SEH1L: variants seen among roughly 807,000 people sequenced by gnomAD.
SEH1L encodes nucleoporin SEH1.
In SEH1L, 18 loss-of-function variants were observed where a neutral mutation model predicts 49.5. The observed-to-expected ratio is 0.36, with a 90% CI of 0.25 to 0.54. The LOEUF (loss-of-function observed/expected upper bound fraction) is 0.54. Ranked by LOEUF, SEH1L falls within the 20% of genes least tolerant of loss-of-function variation. SEH1L has a pLI of 0.87. For synonymous variants in SEH1L, 169 were observed against 178.1 expected (o/e 0.95, Z 0.41); for missense variants, 404 against 528.8 (o/e 0.76, Z 2.31).
At chr18:12,980,536 T>A (rs1598978376) in intron 6 of SEH1L, among the ~76,000 whole-genome samples, 2 of 78,608 alleles carry the variant, frequency 2.5e-5, no homozygotes, top group Non-Finnish European at 5.0e-5. Context: ...CCCACCTCCC[T>A]CCCGGACGGG....
rs749504403 is a variant in SEH1L at position 12,948,082 on chromosome 18, C to A, written c.-40C>A. 6.6e-7 allele frequency: 1 copy of A among 1,514,828 alleles called. No individual in the cohort carries two copies. Among genetic ancestry groups the A allele is most frequent in the East Asian group, 2.3e-5 (1 of 43,172 alleles). The allele number at this position is 1,514,828 out of a possible 1,614,324, so 93.8% of individuals were successfully genotyped here. ...GGCCACGCGCCGCCGCCGCTGCCGCCGCCACTGTCCTCTTCGGAGGCGCGG... is the reference window on the plus strand; with the variant it reads ...GGCCACGCGCCGCCGCCGCTGCCGCAGCCACTGTCCTCTTCGGAGGCGCGG... On this transcript the variant is annotated 5_prime_UTR_variant, in exon 1 of 9. Transcript: ENST00000399892.
rs1376049710 is a variant in SEH1L at position 12,978,752 on chromosome 18, G to A, written c.621G>A (p.Arg207=). 5 of 1,604,690 alleles carry A rather than the reference G, an allele frequency of 3.1e-6. No individual in the cohort carries two copies. The South Asian group carries it at 5.6e-5, about 18-fold the overall frequency. ...TTAATGTCAATTGTTTTTCCATTAG[G>A]AAATATGCAAAAGCTGAAACTCTTA... ...VQIFEYNENT[R]KYAKAETLMT... The change falls in exon 6 of 9, where the codon AGG becomes AGA. Residue 207 remains arginine, a splice_region_variant and synonymous_variant. Coordinates refer to ENST00000399892, the MANE Select transcript of SEH1L (RefSeq NM_001013437.2).
rs879351017 is a variant in SEH1L, at chr18:12,978,968, G to A, written c.761+76G>A. 4.5e-6 allele frequency: 6 copies of A among 1,346,840 alleles called. No homozygotes were observed. In the Admixed American group the frequency reaches 9.9e-5, roughly 22 times the overall value. 83.4% of individuals were successfully genotyped at this position (1,346,840 alleles called of 1,614,324 possible). ...ACCTTTGTTTGTGGAGGAGAGAGTAGAGGTAACTATGATTTGGTTTATATT... is the reference window on the plus strand; with the variant it reads ...ACCTTTGTTTGTGGAGGAGAGAGTAAAGGTAACTATGATTTGGTTTATATT... On this transcript the variant is annotated intron_variant, in intron 6 of 8. Transcript: ENST00000399892.
At chr18:12,957,753 C>T (rs190392770) in intron 3 of SEH1L, among the ~76,000 whole-genome samples, 3 of 152,286 alleles carry the variant, frequency 2.0e-5, no homozygotes, top group Admixed American at 2.0e-4. Context: ...CCTGCCCTCC[C>T]TAATGGCATG....
Position 12,963,387 on chromosome 18 carries a change from A to C in SEH1L, c.521+16A>C. The C allele has an allele frequency of 6.3e-7, 1 of 1,584,840 alleles. No individual in the cohort carries two copies. The highest frequency in any genetic ancestry group is 8.7e-7 in the Non-Finnish European group (1 of 1,153,714). On this transcript the variant is annotated intron_variant, in intron 4 of 8. Coordinates refer to ENST00000399892, the MANE Select transcript of SEH1L (RefSeq NM_001013437.2). ...ACCCTTCAAGGTAAGTTTACATATT[A>C]AACCTCTGATAACATCCTAGTAAAA...
intron 5 of SEH1L, chr18:12,972,814 C>G (rs1004678956): frequency 3.3e-5 from 5 of 152,190 alleles, no homozygotes; most frequent in African/African-American, 9.7e-5. Context: ...ATTAATAGCA[C>G]ATTTTATAGA....
At chr18:12,962,459 C>CTTTTT (rs3070220) in intron 3 of SEH1L, among the ~76,000 whole-genome samples, 951 of 63,648 alleles carry the variant, frequency 0.015, 228 homozygotes, top group East Asian at 0.039. Context: ...GCATGCCTTT[C>CTTTTT]TTTTTTTTTT....
intron 4 of SEH1L, among the ~76,000 whole-genome samples, chr18:12,966,814 T>C (rs909343968): frequency 1.3e-5 from 2 of 152,356 alleles, no homozygotes; most frequent in South Asian, 2.1e-4. Context: ...CTGTTCTGTC[T>C]TTCTGGCACT....
chr18:12,979,720 G>A (rs1459068841), intron 6 of SEH1L, among the ~76,000 whole-genome samples: 4 of 146,082 alleles, frequency 2.7e-5, no homozygotes, highest in East Asian at 2.1e-4. Context: ...CCTCCCTCCC[G>A]GACGGGGCGG....
At chr18:12,976,970 T>G (rs1362813458) in intron 5 of SEH1L, 1 of 149,154 alleles carries the variant, frequency 6.7e-6, no homozygotes, top group Non-Finnish European at 1.5e-5. Context: ...AGCCAGACTC[T>G]GTCTCAAAAA....
intron 5 of SEH1L, 146 bp from the exon 6 acceptor site, chr18:12,978,606 A>T: frequency 1.6e-6 from 1 of 612,194 alleles, no homozygotes; most frequent in South Asian, 2.2e-5. Flanking sequence ...ACTTGGACAT[A>T]TTCTTTTGGG....
chr18:12,972,449 A>G (rs1442844246), intron 5 of SEH1L: 1 of 152,222 alleles, frequency 6.6e-6, no homozygotes, highest in African/African-American at 2.4e-5. Flanking sequence ...AAAGCTTCTG[A>G]GAGCCAAAAG....
intron 5 of SEH1L, chr18:12,972,611 C>G (rs1042527809): frequency 1.3e-5 from 2 of 152,116 alleles, no homozygotes; most frequent in Non-Finnish European, 2.9e-5. Context: ...AGTGTTACTC[C>G]CGTGGGCTCT....
At chr18:12,952,422 G>A (rs554383411) in intron 2 of SEH1L, among the ~76,000 whole-genome samples, 105 of 151,992 alleles carry the variant, frequency 6.9e-4, no homozygotes, top group African/African-American at 2.5e-3. Flanking sequence ...TAGCAGAGAT[G>A]GGGTTTCGCC....
rs550968868 is a variant in SEH1L at position 12,954,996 on chromosome 18, A to G, written c.163-467A>G. On this transcript the variant is annotated intron_variant, in intron 2 of 8. Transcript: ENST00000399892. Reference sequence around the variant, plus strand: ...CCCAGCCGCTGGTAACCACTAATCTACTTTCTGTCTGTATGGATTTTGGAG... The same window carrying G: ...CCCAGCCGCTGGTAACCACTAATCTGCTTTCTGTCTGTATGGATTTTGGAG... Among the ~76,000 whole-genome samples, 16 of 152,282 alleles carry G rather than the reference A, an allele frequency of 1.1e-4. No individual in the cohort carries two copies. The East Asian group carries it at 2.3e-3, about 22-fold the overall frequency.
chr18:12,981,510 C>T (rs924292349), intron 6 of SEH1L, among the ~76,000 whole-genome samples: 4 of 152,228 alleles, frequency 2.6e-5, no homozygotes, highest in African/African-American at 9.6e-5. Flanking sequence ...GAGACCAGCC[C>T]GGCCAACACC....
At chr18:12,970,072 C>A (rs1024126605) in intron 4 of SEH1L, among the ~76,000 whole-genome samples, 3 of 152,112 alleles carry the variant, frequency 2.0e-5, no homozygotes, top group Non-Finnish European at 4.4e-5. Context: ...TTACCTGAAG[C>A]TTTAGTAATA....
chr18:12,948,464 G>A, intron 1 of SEH1L: 1 of 400,092 alleles, frequency 2.5e-6, no homozygotes, highest in Non-Finnish European at 4.5e-6. Context: ...CCACGTGCGC[G>A]CTCCCGCCCG....
intron 5 of SEH1L, chr18:12,975,639 GGA>G (rs2031888252): frequency 2.1e-6 from 2 of 930,816 alleles, no homozygotes; most frequent in South Asian, 4.9e-5. Flanking sequence ...GGCAGATTTT[GGA>G]GAGTGGTGCT....
Sources: allele counts gnomAD v4.1 joint callset (sites outside exome capture counted in the v4.1 genomes callset), GRCh38; gene constraint gnomAD v4.1.1; transcripts MANE v1.5; gene names NCBI Gene and HGNC (gene_info 2026-07-23, HGNC 2026-07-21).